The following XKR4 variants were observed in gnomAD, a reference collection of about 807,000 sequenced individuals.
XKR4 encodes XK-related protein 4.
A neutral mutation model predicts 53.9 loss-of-function variants in XKR4; 12 were observed. That is an observed-to-expected ratio of 0.22 (90% CI 0.14 to 0.36). XKR4 has a LOEUF of 0.36. Ranked by LOEUF, XKR4 falls within the 10% of genes least tolerant of loss-of-function variation. The probability of loss-of-function intolerance (pLI) is 1.00; values close to 1 mark genes in which losing one functional copy is unlikely to be tolerated. For synonymous variants in XKR4, 354 were observed against 362.4 expected (o/e 0.98, Z 0.26); for missense variants, 799 against 859.5 (o/e 0.93, Z 0.88).
At chr8:55,337,137 A>G (rs1037998776) in intron 1 of XKR4, among the ~76,000 whole-genome samples, 35 of 152,288 alleles carry the variant, frequency 2.3e-4, no homozygotes, top group African/African-American at 8.2e-4. Context: ...TCAGAAATTC[A>G]GTGGGAAACA....
At chr8:55,349,343 G>A (rs1803694317) in intron 1 of XKR4, among the ~76,000 whole-genome samples, 1 of 152,134 alleles carries the variant, frequency 6.6e-6, no homozygotes, top group Admixed American at 6.6e-5. Context: ...TTTTTGCTAT[G>A]GTGAATTCCA....
intron 1 of XKR4, among the ~76,000 whole-genome samples, chr8:55,247,393 T>C (rs1219689261): frequency 6.6e-6 from 1 of 152,208 alleles, no homozygotes; most frequent in African/African-American, 2.4e-5. Context: ...TTATATGACA[T>C]TGGTTTTCAA....
Position 55,316,978 on chromosome 8 carries a change from C to T in XKR4, c.807-40700C>T, listed in dbSNP as rs529019942. Among the ~76,000 whole-genome samples the T allele has an allele frequency of 1.6e-3, 237 of 152,232 alleles. 2 individuals carry two copies. The highest frequency in any genetic ancestry group is 0.011 in the South Asian group (54 of 4,818). On this transcript the variant is annotated intron_variant, in intron 1 of 2. Transcript: ENST00000327381. ...ACTTTTAATTAAAAGGAATAGCTGG[C>T]TGGGAAGCTTTTAATAAATATTTAT...
At position 55,363,470 on chromosome 8, in the gene XKR4, C is replaced by T. The variant is rs560293046; in HGVS notation, c.1006+5593C>T. Among the ~76,000 whole-genome samples the T allele has an allele frequency of 3.9e-5, 6 of 152,238 alleles. No homozygotes were observed. The South Asian group carries it at 6.2e-4, about 16-fold the overall frequency. ...AGAAGTAAAGTTGTCCTCAAATATC[C>T]GGCAAACACTGTTACCTGCTAACTA... On this transcript the variant is annotated intron_variant, in intron 2 of 2. Transcript: ENST00000327381.
chr8:55,416,306 T>C (rs1048715611), intron 2 of XKR4, among the ~76,000 whole-genome samples: 2 of 152,220 alleles, frequency 1.3e-5, no homozygotes, highest in African/African-American at 4.8e-5. Flanking sequence ...ATTTCGGTGA[T>C]GTTATAGAAG....
intron 2 of XKR4, among the ~76,000 whole-genome samples, chr8:55,477,853 G>GA (rs1299132853): frequency 6.6e-6 from 1 of 151,982 alleles, no homozygotes; most frequent in African/African-American, 2.4e-5. Context: ...GAAGTTTAGA[G>GA]AAAAAAGAAT....
At chr8:55,247,180 G>C (rs574642750) in intron 1 of XKR4, among the ~76,000 whole-genome samples, 1 of 152,136 alleles carries the variant, frequency 6.6e-6, no homozygotes, top group Non-Finnish European at 1.5e-5. Context: ...AAGTGAAAAT[G>C]CACCTCCAAT....
At chr8:55,115,340 A>G (rs926325352) in intron 1 of XKR4, among the ~76,000 whole-genome samples, 3 of 152,052 alleles carry the variant, frequency 2.0e-5, no homozygotes, top group Non-Finnish European at 2.9e-5. Flanking sequence ...AGTGTAGTAT[A>G]GCAAGGGTTG....
chr8:55,111,681 A>G (rs1816233860), intron 1 of XKR4, among the ~76,000 whole-genome samples: 1 of 152,234 alleles, frequency 6.6e-6, no homozygotes, highest in African/African-American at 2.4e-5. Flanking sequence ...TCTAAGATAT[A>G]TACCATATAG....
chr8:55,428,651 G>A (rs909130713), intron 2 of XKR4, among the ~76,000 whole-genome samples: 1 of 152,182 alleles, frequency 6.6e-6, no homozygotes, highest in Non-Finnish European at 1.5e-5. Flanking sequence ...AGACTGCATG[G>A]GGAGCCTGAA....
intron 1 of XKR4, among the ~76,000 whole-genome samples, chr8:55,253,958 C>T (rs149795977): frequency 4.8e-4 from 73 of 151,794 alleles, no homozygotes; most frequent in African/African-American, 1.7e-3. Flanking sequence ...TGAGTGTAAG[C>T]GCTTCACCTG....
intron 2 of XKR4, among the ~76,000 whole-genome samples, chr8:55,519,857 G>C (rs1806775428): frequency 6.6e-6 from 1 of 152,220 alleles, no homozygotes; most frequent in South Asian, 2.1e-4. Context: ...GTGAGAGAGA[G>C]AGACAGAGAC....
chr8:55,496,471 C>A (rs1290368482), intron 2 of XKR4, among the ~76,000 whole-genome samples: 1 of 152,174 alleles, frequency 6.6e-6, no homozygotes, highest in East Asian at 1.9e-4. Flanking sequence ...CTTAAGACAG[C>A]CAACCTCTCA....
chr8:55,310,316 C>A (rs536397178), intron 1 of XKR4, among the ~76,000 whole-genome samples: 1 of 152,240 alleles, frequency 6.6e-6, no homozygotes, highest in South Asian at 2.1e-4. Flanking sequence ...GCGTGACCTT[C>A]AGCAAAGTCC....
chr8:55,515,669 A>G (rs914592062), intron 2 of XKR4, among the ~76,000 whole-genome samples: 4 of 152,210 alleles, frequency 2.6e-5, no homozygotes, highest in African/African-American at 4.8e-5. Flanking sequence ...AAGAGGAGAA[A>G]AGCATGGCTT....
chr8:55,120,720 T>C (rs1317907819), intron 1 of XKR4, among the ~76,000 whole-genome samples: 1 of 152,128 alleles, frequency 6.6e-6, no homozygotes, highest in Admixed American at 6.5e-5. Context: ...ATGGAAAATA[T>C]TGATATATTA....
intron 1 of XKR4, among the ~76,000 whole-genome samples, chr8:55,345,412 C>T (rs988873404): frequency 7.2e-5 from 11 of 152,120 alleles, no homozygotes; most frequent in African/African-American, 1.7e-4. Context: ...CAATGCCATA[C>T]GCCATGATGT....
At chr8:55,377,044 A>G (rs1345139965) in intron 2 of XKR4, among the ~76,000 whole-genome samples, 3 of 152,092 alleles carry the variant, frequency 2.0e-5, no homozygotes, top group African/African-American at 7.2e-5. Context: ...TCAAGCTGTA[A>G]CACAATATTT....
At chr8:55,240,260 A>G (rs2129368142) in intron 1 of XKR4, among the ~76,000 whole-genome samples, 1 of 152,382 alleles carries the variant, frequency 6.6e-6, no homozygotes, top group African/African-American at 2.4e-5. Flanking sequence ...TTTATTTAAA[A>G]AAATATAAAA....
Sources: gnomAD v4.1 joint callset for allele counts (sites outside exome capture counted in the v4.1 genomes callset) on GRCh38, gnomAD v4.1.1 for gene constraint, MANE v1.5 for transcripts, NCBI Gene and HGNC (gene_info 2026-07-23, HGNC 2026-07-21) for gene names.